The following CC2D2A variants were observed in gnomAD, a reference collection of about 807,000 sequenced individuals.
CC2D2A encodes coiled-coil and C2 domain containing 2A, also known as coiled-coil and C2 domain-containing protein 2A.
A neutral mutation model predicts 212.9 loss-of-function variants in CC2D2A; 155 were observed. The observed-to-expected ratio is 0.73, with a 90% CI of 0.64 to 0.83. CC2D2A has a LOEUF of 0.83. Ranked by LOEUF, CC2D2A falls within the 40% of genes least tolerant of loss-of-function variation. CC2D2A has a pLI of 0.00. For synonymous variants in CC2D2A, 667 were observed against 686.5 expected (o/e 0.97, Z 0.44); for missense variants, 1,856 against 1,956.2 (o/e 0.95, Z 0.97).
chr4:15,567,902 A>G, intron 26 of CC2D2A, 116 bp downstream of exon 26: 1 of 687,866 alleles, frequency 1.5e-6, no homozygotes, highest in Non-Finnish European at 2.4e-6. Context: ...CGGCAACAAG[A>G]TCCAGGTGTC....
At chr4:15,562,143 T>C (rs914696076) in intron 23 of CC2D2A, among the ~76,000 whole-genome samples, 7 of 152,194 alleles carry the variant, frequency 4.6e-5, no homozygotes, top group South Asian at 2.1e-4. Flanking sequence ...GGTTTCCTTA[T>C]AGGAGCTGTC....
chr4:15,525,727 G>A (rs1014271219), intron 11 of CC2D2A, among the ~76,000 whole-genome samples: 4 of 152,172 alleles, frequency 2.6e-5, no homozygotes, highest in Non-Finnish European at 4.4e-5. Flanking sequence ...AATAGTTCTC[G>A]ATATATAAGA....
chr4:15,510,407 A>G (rs369648181), intron 7 of CC2D2A, among the ~76,000 whole-genome samples, 167 bp downstream of exon 7: 5 of 152,226 alleles, frequency 3.3e-5, no homozygotes, highest in Admixed American at 6.5e-5. Context: ...ACCAGCCTGG[A>G]CAACATGGCG....
At chr4:15,561,025 A>C (rs370123087) in intron 23 of CC2D2A, among the ~76,000 whole-genome samples, 1 of 152,068 alleles carries the variant, frequency 6.6e-6, no homozygotes, top group East Asian at 1.9e-4. Context: ...CTGAGACCCC[A>C]CCCACAAGCT....
chr4:15,476,028 A>G, intron 2 of CC2D2A, 57 bp downstream of exon 2: 1 of 1,482,460 alleles, frequency 6.7e-7, no homozygotes. Flanking sequence ...TGCTTATGTT[A>G]CACGTGTTTG....
chr4:15,581,859 G>A (rs1720677562), intron 30 of CC2D2A, among the ~76,000 whole-genome samples: 1 of 152,060 alleles, frequency 6.6e-6, no homozygotes, highest in Non-Finnish European at 1.5e-5. Flanking sequence ...CTAGAAGAAT[G>A]CCCTTCTAAC....
chr4:15,539,072 C>T (rs889384772), intron 16 of CC2D2A, among the ~76,000 whole-genome samples: 2 of 152,080 alleles, frequency 1.3e-5, no homozygotes, highest in African/African-American at 4.8e-5. Flanking sequence ...ATTTTTAATA[C>T]CTCACATTGA....
intron 29 of CC2D2A, 138 bp from the exon 30 acceptor site, chr4:15,579,830 C>T: frequency 1.5e-6 from 1 of 654,172 alleles, no homozygotes; most frequent in Non-Finnish European, 2.7e-6. Flanking sequence ...GCTGCAGGGA[C>T]ACCAGGACAT....
chr4:15,493,188 C>T lies in CC2D2A; in HGVS notation c.248-9241C>T, dbSNP rs565547484. On this transcript the variant is annotated intron_variant, in intron 4 of 36. Coordinates refer to ENST00000424120, the MANE Select transcript of CC2D2A (RefSeq NM_001378615.1). The stretch of plus-strand genomic sequence containing the variant: ...CTAGGTGTCTACATGGTTTGATCCC[C>T]CACTTTCTTCACCTGTTCTTAAGTC... 5.8e-3 allele frequency among the ~76,000 whole-genome samples: 880 copies of T among 152,230 alleles called. 6 individuals are homozygous for T. Among genetic ancestry groups the T allele is most frequent in the African/African-American group, 0.02 (848 of 41,530 alleles).
chr4:15,559,118 A>G, intron 21 of CC2D2A, 47 bp from the exon 22 acceptor site: 2 of 1,111,244 alleles, frequency 1.8e-6, no homozygotes, highest in African/African-American at 3.2e-5. Context: ...GATCTTAAGA[A>G]AAGCACCAGA....
Position 15,601,275 on chromosome 4 carries a change from G to A in CC2D2A, c.4713G>A (p.Val1571=). The change falls in exon 37 of 37, where the codon GTG becomes GTA. Residue 1571 remains valine, a synonymous_variant. Transcript: ENST00000424120. ...CTCTTCACATGCCTTATTCTGAAGT[G>A]AAGCCTTTAATTGACGCTGTGTATA... The part of the protein sequence containing the change: ...GFPLHMPYSE[V]KPLIDAVYST... 6.2e-7 allele frequency: 1 copy of A among 1,613,050 alleles called. No homozygotes were observed. The highest frequency in any genetic ancestry group is 8.5e-7 in the Non-Finnish European group (1 of 1,179,444).
At chr4:15,587,469 TA>T (rs1405040923) in intron 31 of CC2D2A, among the ~76,000 whole-genome samples, 1 of 152,216 alleles carries the variant, frequency 6.6e-6, no homozygotes, top group African/African-American at 2.4e-5. Context: ...GTTCTAGAAT[TA>T]AGTAAGTTTA....
At position 15,511,591 on chromosome 4, in the gene CC2D2A, G is replaced by C. The variant is rs1026192712; in HGVS notation, c.717+168G>C. Reference sequence around the variant, plus strand: ...TACTGAATTCACATGGCTCCCTGTAGCTCTGGGTTAGACCCTACAATGTGG... The same window carrying C: ...TACTGAATTCACATGGCTCCCTGTACCTCTGGGTTAGACCCTACAATGTGG... On this transcript the variant is annotated intron_variant, in intron 8 of 36. Transcript: ENST00000424120. The C allele has an allele frequency of 3.1e-5, 17 of 556,768 alleles. No individual in the cohort carries two copies. In the South Asian group the frequency reaches 4.4e-4, roughly 14 times the overall value. The allele number at this position is 556,768 out of a possible 1,614,324, so 34.5% of individuals were successfully genotyped here.
At position 15,502,420 on chromosome 4, in the gene CC2D2A, G is replaced by C; in HGVS notation, c.248-9G>C. ...TTTATTTTGTTTTGTTTTTGTTTTT[G>C]TTTTTTAGGCTTACCTCCAATTCCT... On this transcript the variant is annotated splice_polypyrimidine_tract_variant and intron_variant, in intron 4 of 36. Transcript: ENST00000424120. 6.5e-7 allele frequency: 1 copy of C among 1,537,474 alleles called. No homozygotes were observed. The highest frequency in any genetic ancestry group is 8.7e-7 in the Non-Finnish European group (1 of 1,145,422).
intron 1 of CC2D2A, among the ~76,000 whole-genome samples, chr4:15,471,406 C>T (rs1370459383): frequency 2.0e-5 from 3 of 152,020 alleles, no homozygotes; most frequent in Non-Finnish European, 4.4e-5. Context: ...TTGAACATCA[C>T]CTAAGGTCTT....
intron 16 of CC2D2A, 130 bp from the exon 17 acceptor site, chr4:15,540,707 A>T: frequency 2.5e-6 from 2 of 802,410 alleles, no homozygotes; most frequent in Non-Finnish European, 3.9e-6. Context: ...CCTCTGGTTA[A>T]ATGAGGGCTG....
At chr4:15,522,702 A>C (rs540200422) in intron 11 of CC2D2A, among the ~76,000 whole-genome samples, 1 of 152,344 alleles carries the variant, frequency 6.6e-6, no homozygotes, top group Admixed American at 6.5e-5. Context: ...ACAATTTAAT[A>C]CATCTTAAGA....
rs375154355 is a variant in CC2D2A at position 15,599,520 on chromosome 4, T to C, written c.4497-9T>C. 2 of 1,513,526 alleles carry C rather than the reference T, an allele frequency of 1.3e-6. No individual in the cohort carries two copies. The highest frequency in any genetic ancestry group is 1.4e-5 in the African/African-American group (1 of 72,294). The allele number at this position is 1,513,526 out of a possible 1,614,324, so 93.8% of individuals were successfully genotyped here. On this transcript the variant is annotated splice_polypyrimidine_tract_variant and intron_variant, in intron 35 of 36. Coordinates refer to ENST00000424120, the MANE Select transcript of CC2D2A (RefSeq NM_001378615.1). ...TCACCAAAAAATGGAATTTATGTTTTGTGAACAGGATTGAAAAAATACTAA... is the reference window on the plus strand; with the variant it reads ...TCACCAAAAAATGGAATTTATGTTTCGTGAACAGGATTGAAAAAATACTAA...
At position 15,557,400 on chromosome 4, in the gene CC2D2A, T is replaced by C; in HGVS notation, c.2722T>C (p.Ser908Pro). 1 of 1,613,548 alleles carries C rather than the reference T, an allele frequency of 6.2e-7. No homozygotes were observed. The highest frequency in any genetic ancestry group is 8.5e-7 in the Non-Finnish European group (1 of 1,179,662). Residue 908 changes from serine (S) to proline (P), a missense_variant, in exon 21 of 37, where the codon TCC becomes CCC. Physicochemically the swap from Ser to Pro is moderately conservative, Grantham distance 74 (BLOSUM62 -1). This residue lies in a region of CC2D2A where 1,512 missense variants were observed against 1,579.3 expected (regional missense o/e 0.96). Transcript: ENST00000424120. ...TGTTTCAGATCAAGAATTAAATAGATCCAAACGATTTAGGCTTCTTCATCT... is the reference window on the plus strand; with the variant it reads ...TGTTTCAGATCAAGAATTAAATAGACCCAAACGATTTAGGCTTCTTCATCT... The part of the protein sequence containing the change: ...NFVSDQELNR[S>P]KRFRLLHLRS...
Sources: allele counts gnomAD v4.1 joint callset (sites outside exome capture counted in the v4.1 genomes callset), GRCh38; gene constraint gnomAD v4.1.1; regional missense constraint gnomAD v4.1.1; transcripts MANE v1.5; gene names NCBI Gene and HGNC (gene_info 2026-07-23, HGNC 2026-07-21).